Variants in NPAS3 observed in about 807,000 individuals in gnomAD.
NPAS3 encodes the protein neuronal PAS domain protein 3.
Under a neutral mutation model 73.1 loss-of-function variants are expected in NPAS3, and 14 were observed. The ratio of observed to expected loss-of-function variants is 0.19; its 90% CI spans 0.13 to 0.30. NPAS3 has a LOEUF of 0.30. Among genes scored for constraint, NPAS3 ranks in the 10% least tolerant of loss-of-function variants. The pLI, the probability that NPAS3 is intolerant of heterozygous loss-of-function variation, is 1.00. For synonymous variants in NPAS3, 620 were observed against 541.5 expected, an observed-to-expected ratio of 1.14 and a Z score of -2.01; for missense variants, 1,096 against 1,250.0, an observed-to-expected ratio of 0.88 and a Z score of 1.86.
At chr14:33,627,269 G>GT (rs892246855) in intron 5 of NPAS3, among the ~76,000 whole-genome samples, 1 of 152,014 alleles carries the variant, frequency 6.6e-6, no homozygotes, top group African/African-American at 2.4e-5. Flanking sequence ...AAATAAAGTT[G>GT]TTTTTCTTTC....
Position 33,411,545 on chromosome 14 carries a change from G to A in NPAS3, c.468+44277G>A, listed in dbSNP as rs77408055. 9.8e-3 allele frequency among the ~76,000 whole-genome samples: 1,495 copies of A among 152,196 alleles called. 14 individuals are homozygous for A. Among genetic ancestry groups the A allele is most frequent in the South Asian group, 0.017 (80 of 4,826 alleles). On this transcript the variant is annotated intron_variant, in intron 4 of 11. Coordinates refer to ENST00000356141, the Ensembl canonical transcript of NPAS3. ...CTGGAATCTAGGGGATAGAAGCCAG[G>A]GTTACTGTTAAATATCCTCCAGTGC...
chr14:33,175,126 CTG>C (rs960922217), intron 2 of NPAS3, among the ~76,000 whole-genome samples: 15 of 151,958 alleles, frequency 9.9e-5, no homozygotes, highest in Admixed American at 2.0e-4. Context: ...CAATGAAAAA[CTG>C]TAATTCAGTT....
At chr14:32,952,087 G>A (rs1247477531) in intron 1 of NPAS3, among the ~76,000 whole-genome samples, 1 of 151,930 alleles carries the variant, frequency 6.6e-6, no homozygotes, top group African/African-American at 2.4e-5. Context: ...CTATATGTGT[G>A]TGTAGATTAT....
intron 3 of NPAS3, among the ~76,000 whole-genome samples, chr14:33,353,424 C>G (rs1053173485): frequency 4.6e-5 from 7 of 152,160 alleles, no homozygotes; most frequent in African/African-American, 1.4e-4. Flanking sequence ...AAAGCAATTC[C>G]AAGTAACTCC....
At chr14:33,023,642 A>G (rs1388965960) in intron 1 of NPAS3, among the ~76,000 whole-genome samples, 1 of 152,218 alleles carries the variant, frequency 6.6e-6, no homozygotes. Context: ...CATCCTTTTC[A>G]TATTAGACAT....
chr14:33,055,159 G>T (rs538783717), intron 1 of NPAS3, among the ~76,000 whole-genome samples: 5 of 152,238 alleles, frequency 3.3e-5, no homozygotes, highest in Non-Finnish European at 5.9e-5. Flanking sequence ...TCAATAGAAG[G>T]AAATGGCCAG....
At chr14:33,786,728 C>T (rs1295215301) in intron 9 of NPAS3, among the ~76,000 whole-genome samples, 3 of 152,190 alleles carry the variant, frequency 2.0e-5, no homozygotes, top group African/African-American at 7.2e-5. Flanking sequence ...ATCCCTCTTT[C>T]CAGAGTGAAT....
intron 7 of NPAS3, among the ~76,000 whole-genome samples, chr14:33,735,996 T>C (rs937250969): frequency 6.6e-6 from 1 of 152,220 alleles, no homozygotes; most frequent in African/African-American, 2.4e-5. Flanking sequence ...TCAGTTACTA[T>C]AGCAACGTAA....
At chr14:32,964,002 A>T (rs187716265) in intron 1 of NPAS3, among the ~76,000 whole-genome samples, 333 of 152,184 alleles carry the variant, frequency 2.2e-3, no homozygotes, top group African/African-American at 6.5e-3. Flanking sequence ...TATTCAAAGA[A>T]TAAGTATTTT....
intron 2 of NPAS3, among the ~76,000 whole-genome samples, chr14:33,075,072 A>C (rs1041461435): frequency 1.3e-5 from 2 of 152,228 alleles, no homozygotes; most frequent in African/African-American, 4.8e-5. Flanking sequence ...CTTTTAAATC[A>C]TAAGAGTATG....
chr14:33,218,624 CAATCTCTTG>C (rs1298432813), intron 3 of NPAS3, among the ~76,000 whole-genome samples: 2 of 152,290 alleles, frequency 1.3e-5, no homozygotes, highest in East Asian at 3.9e-4. Context: ...CTTCTCCAAG[CAATCTCTTG>C]AATAAACCTA....
intron 2 of NPAS3, among the ~76,000 whole-genome samples, chr14:33,127,674 G>A (rs1280774593): frequency 2.0e-5 from 3 of 152,114 alleles, no homozygotes; most frequent in Non-Finnish European, 4.4e-5. Context: ...AGCAAACATT[G>A]AGAAGTTAGA....
At chr14:33,226,689 CT>C (rs1388671123) in intron 3 of NPAS3, among the ~76,000 whole-genome samples, 1 of 152,182 alleles carries the variant, frequency 6.6e-6, no homozygotes, top group Non-Finnish European at 1.5e-5. Context: ...CAGGTATTGG[CT>C]GAGTGCTCCA....
chr14:33,159,708 C>A (rs2044784547), intron 2 of NPAS3, among the ~76,000 whole-genome samples: 1 of 152,064 alleles, frequency 6.6e-6, no homozygotes, highest in South Asian at 2.1e-4. Flanking sequence ...CGCCCACCAC[C>A]ATGCCCGGCT....
chr14:33,728,498 T>C (rs1285140448), intron 6 of NPAS3, among the ~76,000 whole-genome samples: 2 of 152,170 alleles, frequency 1.3e-5, no homozygotes, highest in Non-Finnish European at 1.5e-5. Context: ...TTTGTTGGAC[T>C]CCAGAGCAAG....
intron 5 of NPAS3, among the ~76,000 whole-genome samples, chr14:33,672,379 A>G (rs1413088578): frequency 6.6e-6 from 1 of 151,890 alleles, no homozygotes; most frequent in Admixed American, 6.6e-5. Context: ...AGTAAAAGAA[A>G]TTTTTTTTTC....
intron 3 of NPAS3, among the ~76,000 whole-genome samples, chr14:33,285,063 C>A (rs17100527): frequency 0.027 from 4,036 of 152,278 alleles, 178 homozygotes; most frequent in East Asian, 0.19. Flanking sequence ...AATTAAGGGG[C>A]TTCTGGAGCA....
At chr14:33,606,663 A>G (rs2057577345) in intron 5 of NPAS3, among the ~76,000 whole-genome samples, 1 of 152,140 alleles carries the variant, frequency 6.6e-6, no homozygotes, top group Admixed American at 6.5e-5. Context: ...ACGTGAGAAA[A>G]CTTTTGTGAC....
At chr14:33,314,841 A>G (rs1416015318) in intron 3 of NPAS3, among the ~76,000 whole-genome samples, 1 of 152,084 alleles carries the variant, frequency 6.6e-6, no homozygotes, top group Non-Finnish European at 1.5e-5. Flanking sequence ...AAAAAAGAAT[A>G]AAGAGTAATA....
Sources: allele counts gnomAD v4.1 joint callset (sites outside exome capture counted in the v4.1 genomes callset), GRCh38; gene constraint gnomAD v4.1.1; transcripts MANE v1.5; gene names NCBI Gene and HGNC (gene_info 2026-07-23, HGNC 2026-07-21).